Variants in ANKFN1 observed in about 807,000 individuals in gnomAD.
The protein encoded by ANKFN1 is ankyrin repeat and fibronectin type-III domain-containing protein 1.
In ANKFN1, 74 loss-of-function variants were observed where a neutral mutation model predicts 108.7. The ratio of observed to expected loss-of-function variants is 0.68; its 90% CI spans 0.56 to 0.83. The LOEUF is 0.83. Ranked by LOEUF, ANKFN1 falls within the 40% of genes least tolerant of loss-of-function variation. The probability of loss-of-function intolerance (pLI) is 0.00; values close to 1 mark genes in which losing one functional copy is unlikely to be tolerated. For missense variants in ANKFN1, 1,505 were observed against 1,382.3 expected, an observed-to-expected ratio of 1.09 and a Z score of -1.41; for synonymous variants, 547 against 516.2, an observed-to-expected ratio of 1.06 and a Z score of -0.81.
At chr17:56,509,442 A>G (rs1405887665) in intron 20 of ANKFN1, among the ~76,000 whole-genome samples, 1 of 152,192 alleles carries the variant, frequency 6.6e-6, no homozygotes, top group African/African-American at 2.4e-5. Context: ...GAAAGAATGT[A>G]ATGACCCAGC....
At chr17:56,108,004 T>C (rs146909921) in intron 4 of ANKFN1, among the ~76,000 whole-genome samples, 141 of 151,796 alleles carry the variant, frequency 9.3e-4, no homozygotes, top group Admixed American at 1.5e-3. Flanking sequence ...TGGGACTACA[T>C]GCATGCGCCA....
intron 16 of ANKFN1, among the ~76,000 whole-genome samples, chr17:56,480,196 C>G (rs559561797): frequency 6.6e-6 from 1 of 152,162 alleles, no homozygotes; most frequent in Non-Finnish European, 1.5e-5. Flanking sequence ...GAGAGAAAAA[C>G]CAAAATATCC....
chr17:56,449,223 G>A, intron 11 of ANKFN1, 37 bp downstream of exon 11: 1 of 1,549,886 alleles, frequency 6.5e-7, no homozygotes. Context: ...ATCAACTGAG[G>A]TCTCGGTGGC....
chr17:56,144,464 T>C (rs1270823521), intron 4 of ANKFN1, among the ~76,000 whole-genome samples: 1 of 152,212 alleles, frequency 6.6e-6, no homozygotes, highest in Non-Finnish European at 1.5e-5. Context: ...TCTGAGTCCA[T>C]GTTAATCAGG....
chr17:56,107,495 G>A (rs1905773265), intron 4 of ANKFN1, among the ~76,000 whole-genome samples: 1 of 152,110 alleles, frequency 6.6e-6, no homozygotes, highest in Non-Finnish European at 1.5e-5. Context: ...CAGCTTTAGG[G>A]CCTGGCTCTG....
intron 4 of ANKFN1, among the ~76,000 whole-genome samples, chr17:56,139,522 C>G (rs914268052): frequency 2.0e-5 from 3 of 152,070 alleles, no homozygotes; most frequent in Non-Finnish European, 2.9e-5. Context: ...GAGGTAAAAA[C>G]AAATTTGGAT....
intron 4 of ANKFN1, among the ~76,000 whole-genome samples, chr17:56,343,276 T>C (rs1344619793): frequency 6.6e-6 from 1 of 152,024 alleles, no homozygotes; most frequent in Non-Finnish European, 1.5e-5. Flanking sequence ...GTCGTGTTTG[T>C]GTTTATTGTA....
At chr17:56,345,152 A>G (rs941501886) in intron 4 of ANKFN1, among the ~76,000 whole-genome samples, 8 of 151,770 alleles carry the variant, frequency 5.3e-5, no homozygotes. Context: ...GTTTGGTTAT[A>G]TGTTCCTGTG....
chr17:56,275,186 C>CAT (rs1274805055), intron 3 of ANKFN1, among the ~76,000 whole-genome samples: 6 of 152,090 alleles, frequency 3.9e-5, no homozygotes. Context: ...TAAAGTTGAG[C>CAT]ATAATGCATG....
At chr17:56,183,626 G>A (rs910756281) in intron 1 of ANKFN1, among the ~76,000 whole-genome samples, 2 of 152,124 alleles carry the variant, frequency 1.3e-5, no homozygotes, top group African/African-American at 4.8e-5. Flanking sequence ...TTTGCCATGA[G>A]TAAAAATTCC....
intron 3 of ANKFN1, among the ~76,000 whole-genome samples, chr17:56,247,022 T>G (rs1228933281): frequency 6.6e-6 from 1 of 152,234 alleles, no homozygotes; most frequent in Non-Finnish European, 1.5e-5. Flanking sequence ...AAAGATCTGT[T>G]GCTTTCAACA....
At chr17:56,231,130 G>A (rs1916703002) in intron 3 of ANKFN1, among the ~76,000 whole-genome samples, 1 of 151,930 alleles carries the variant, frequency 6.6e-6, no homozygotes, top group African/African-American at 2.4e-5. Flanking sequence ...GCTTTGTTTG[G>A]GTTACAATGT....
At chr17:56,410,185 A>G (rs2144987358) in intron 8 of ANKFN1, among the ~76,000 whole-genome samples, 1 of 152,270 alleles carries the variant, frequency 6.6e-6, no homozygotes, top group South Asian at 2.1e-4. Context: ...TCCCAGGTTC[A>G]AGTGATTCTC....
At chr17:56,261,138 C>A (rs983184386) in intron 3 of ANKFN1, among the ~76,000 whole-genome samples, 17 of 152,174 alleles carry the variant, frequency 1.1e-4, no homozygotes, top group Non-Finnish European at 1.3e-4. Context: ...CCAGTGGCAC[C>A]CCACTTGTCA....
At position 56,394,231 on chromosome 17, in the gene ANKFN1, C is replaced by T. The variant is rs190342980; in HGVS notation, c.910+19517C>T. Among the ~76,000 whole-genome samples, 20 of 152,298 alleles carry T rather than the reference C, an allele frequency of 1.3e-4. No individual in the cohort carries two copies. In the East Asian group the frequency reaches 1.9e-3, roughly 15 times the overall value. ...TGGTTCACAGCTCTCTTCTCAGACCCCTGCCCCTTGTCTTCAGTTTCATCT... is the reference window on the plus strand; with the variant it reads ...TGGTTCACAGCTCTCTTCTCAGACCTCTGCCCCTTGTCTTCAGTTTCATCT... On this transcript the variant is annotated intron_variant, in intron 8 of 20. Transcript: ENST00000682825.
intron 8 of ANKFN1, among the ~76,000 whole-genome samples, chr17:56,386,874 GTTTTA>G (rs1326136013): frequency 6.6e-6 from 1 of 151,676 alleles, no homozygotes; most frequent in Non-Finnish European, 1.5e-5. Flanking sequence ...AAGTGTTTTT[GTTTTA>G]TTTTGTTTAA....
intron 3 of ANKFN1, among the ~76,000 whole-genome samples, chr17:56,305,192 T>C (rs547201747): frequency 6.6e-6 from 1 of 152,264 alleles, no homozygotes; most frequent in African/African-American, 2.4e-5. Flanking sequence ...TTGTGAGAAC[T>C]CACTCACTAT....
intron 15 of ANKFN1, 143 bp downstream of exon 15, chr17:56,466,714 A>T: frequency 1.4e-6 from 1 of 694,412 alleles, no homozygotes; most frequent in Non-Finnish European, 2.4e-6. Flanking sequence ...GCAAATGCAG[A>T]AGCTTATTTT....
chr17:56,231,878 A>G (rs756477800), intron 3 of ANKFN1, among the ~76,000 whole-genome samples: 1 of 152,180 alleles, frequency 6.6e-6, no homozygotes, highest in African/African-American at 2.4e-5. Context: ...GATGCTTTCA[A>G]TATGATGCAG....
Sources: allele counts gnomAD v4.1 joint callset (sites outside exome capture counted in the v4.1 genomes callset), GRCh38; gene constraint gnomAD v4.1.1; transcripts MANE v1.5; gene names NCBI Gene and HGNC (gene_info 2026-07-23, HGNC 2026-07-21).